Variants in THOC2 observed in about 807,000 individuals in gnomAD.
THOC2 encodes the protein THO complex subunit 2.
Under a neutral mutation model 128.4 loss-of-function variants are expected in THOC2, and 10 were observed. The ratio of observed to expected loss-of-function variants is 0.08; its 90% confidence interval spans 0.05 to 0.13. THOC2 has a LOEUF of 0.13. Among genes scored for constraint, THOC2 ranks in the 10% least tolerant of loss-of-function variants. The pLI is 1.00. For missense variants in THOC2, 535 were observed against 1,155.7 expected (o/e 0.46, Z 7.79); for synonymous variants, 393 against 396.9 (o/e 0.99, Z 0.12).
At chrX:123,714,567 C>T (rs1328417035) in intron 1 of THOC2, among the ~76,000 whole-genome samples, 1 of 111,680 alleles carries the variant, frequency 9.0e-6, no homozygotes, top group Non-Finnish European at 1.9e-5. Flanking sequence ...CCATAGAATA[C>T]CCAGACAAAA....
At chrX:123,622,974 A>C (rs928784403) in intron 29 of THOC2, 114 bp from the exon 30 acceptor site, 1 of 862,940 alleles carries the variant, frequency 1.2e-6, no homozygotes, top group African/African-American at 2.0e-5. Context: ...ATTACTTCTT[A>C]ACGCTTATAT....
At chrX:123,617,125 T>C (rs2046925111) in intron 33 of THOC2, among the ~76,000 whole-genome samples, 1 of 110,931 alleles carries the variant, frequency 9.0e-6, no homozygotes, top group Admixed American at 9.6e-5. Context: ...TCATATGCTA[T>C]TAAACTTTCT....
intron 7 of THOC2, among the ~76,000 whole-genome samples, chrX:123,691,394 G>A (rs1483804557): frequency 9.0e-6 from 1 of 111,512 alleles, no homozygotes; most frequent in Non-Finnish European, 1.9e-5. Flanking sequence ...GAAAAAGGTG[G>A]CACAATAAGA....
chrX:123,638,374 G>A (rs189809750), intron 17 of THOC2, among the ~76,000 whole-genome samples: 3 of 111,886 alleles, frequency 2.7e-5, no homozygotes, highest in African/African-American at 9.7e-5. Context: ...TGTTTGGTAA[G>A]CCAACTGGGT....
chrX:123,717,962 T>C (rs1407114337), intron 1 of THOC2, among the ~76,000 whole-genome samples: 1 of 112,631 alleles, frequency 8.9e-6, no homozygotes, highest in Non-Finnish European at 1.9e-5. Context: ...CAGCCCTCCA[T>C]ATCCACAGCT....
chrX:123,686,610 T>G lies in THOC2; in HGVS notation c.706A>C (p.Met236Leu). 8.3e-7 allele frequency: 1 copy of G among 1,208,715 alleles called. No individual in the cohort carries two copies. Among genetic ancestry groups the G allele is most frequent in the Non-Finnish European group, 1.1e-6 (1 of 893,473 alleles). ...AGTGTTTGCGGTTCACACATACTCA[T>G]GTAAGATTCTAACAAAGATATAAAG... The part of the protein sequence containing the change: ...DFFISLLESY[M>L]SMCEPQTLCH... Residue 236 changes from methionine to leucine, a missense_variant, in exon 8 of 39, where the codon ATG becomes CTG. Coordinates refer to ENST00000245838, the MANE Select transcript of THOC2 (RefSeq NM_001081550.2).
At chrX:123,637,618 G>A (rs778925680) in intron 18 of THOC2, among the ~76,000 whole-genome samples, 1 of 110,699 alleles carries the variant, frequency 9.0e-6, no homozygotes, top group Non-Finnish European at 1.9e-5. Flanking sequence ...AAATTAGCTG[G>A]GCGTGGTGGC....
At chrX:123,700,530 AGGT>A (rs1342873206) in intron 4 of THOC2, among the ~76,000 whole-genome samples, 4 of 2,881 alleles carry the variant, frequency 1.4e-3, no homozygotes, top group Non-Finnish European at 2.5e-3. Flanking sequence ...GGCGGGGGGG[AGGT>A]GGTGAGGGGG....
intron 12 of THOC2, among the ~76,000 whole-genome samples, chrX:123,646,561 T>C (rs2048135512): frequency 8.9e-6 from 1 of 112,491 alleles, no homozygotes; most frequent in South Asian, 3.7e-4. Context: ...TAATGGATAT[T>C]ACCACAGGAA....
At chrX:123,689,199 T>TGA (rs1164828595) in intron 7 of THOC2, among the ~76,000 whole-genome samples, 1 of 112,366 alleles carries the variant, frequency 8.9e-6, no homozygotes. Context: ...ATTCTATCAG[T>TGA]GACCTTTACT....
chrX:123,671,685 T>G lies in THOC2; in HGVS notation c.845A>C (p.Asp282Ala). 1 of 1,161,188 alleles carries G rather than the reference T, an allele frequency of 8.6e-7. No individual in the cohort carries two copies. Among genetic ancestry groups the G allele is most frequent in the East Asian group, 3.0e-5 (1 of 33,064 alleles). The change falls in exon 9 of 39, where the codon GAT (aspartate) becomes GCT (alanine). Residue 282 changes from aspartate to alanine, a missense_variant. Coordinates refer to ENST00000245838, the MANE Select transcript of THOC2 (RefSeq NM_001081550.2). ...VLLQFNLIDL[D>A]DLYVHLLPAD... The stretch of plus-strand genomic sequence containing the variant: ...TTGACTTACATGTACATAAAGATCA[T>G]CTAAATCAATAAGATTAAATTGTAG...
chrX:123,603,425 G>A (rs955015570), intron 38 of THOC2: 1 of 362,503 alleles, frequency 2.8e-6, no homozygotes, highest in Admixed American at 4.9e-5. Context: ...TCTCCTTTCA[G>A]AGAAAGAAGA....
intron 8 of THOC2, among the ~76,000 whole-genome samples, chrX:123,684,776 T>C (rs1289551432): frequency 8.9e-6 from 1 of 112,436 alleles, no homozygotes; most frequent in Non-Finnish European, 1.9e-5. Context: ...CTATATGCTT[T>C]TAAACTGTCG....
intron 1 of THOC2, among the ~76,000 whole-genome samples, chrX:123,724,089 ACT>A (rs1025496790): frequency 3.6e-5 from 4 of 111,586 alleles, no homozygotes; most frequent in Admixed American, 2.9e-4. Context: ...AGAGTTTCTT[ACT>A]CTTTTATATC....
chrX:123,701,300 G>A (rs1188259642), intron 4 of THOC2, among the ~76,000 whole-genome samples: 1 of 112,399 alleles, frequency 8.9e-6, no homozygotes, highest in African/African-American at 3.2e-5. Flanking sequence ...AGGTTGCAGT[G>A]AGCCAAGATC....
chrX:123,630,612 CAAA>C (rs57639724), intron 22 of THOC2, among the ~76,000 whole-genome samples: 3 of 16,069 alleles, frequency 1.9e-4, no homozygotes, highest in Non-Finnish European at 2.7e-4. Context: ...GACTCCATCT[CAAA>C]AAAAAAAAAA....
chrX:123,676,781 T>C (rs1456065068), intron 8 of THOC2, among the ~76,000 whole-genome samples: 1 of 111,781 alleles, frequency 8.9e-6, no homozygotes, highest in Non-Finnish European at 1.9e-5. Context: ...TGTAGCCTCT[T>C]GGTTCTCCTG....
rs369209439 is a variant in THOC2 at position 123,712,854 on chromosome X, G to A, written c.126C>T (p.Tyr42=). The A allele has an allele frequency of 4.3e-6, 5 of 1,149,459 alleles. No individual in the cohort carries two copies. Among genetic ancestry groups the A allele is most frequent in the Non-Finnish European group, 4.7e-6 (4 of 855,607 alleles). The allele number at this position is 1,149,459 out of a possible 1,213,427, so 94.7% of individuals were successfully genotyped here. A position where few individuals can be genotyped will look rare whatever the true frequency, so the allele number is the denominator to read the frequency against. ...AGATACTTTTAAAAATCTTACCTCT[G>A]TATGTTGAACTATCATGGCTTTTAT... ...SENKSHDSST[Y]RDFQQALYEL... Residue 42 remains tyrosine (Y), a synonymous_variant, in exon 2 of 39, where the codon TAC becomes TAT. Transcript: ENST00000245838.
At position 123,652,059 on chromosome X, in the gene THOC2, A is replaced by G. The variant is rs772426227; in HGVS notation, c.1387-6684T>C. On this transcript the variant is annotated intron_variant, in intron 12 of 38. Transcript: ENST00000245838. ...AAATACTGGCAAAACCGAATCCAGC[A>G]GCACATCAAAAAGTTTATCCACCAC... 8.0e-5 allele frequency among the ~76,000 whole-genome samples: 9 copies of G among 111,939 alleles called. No individual in the cohort carries two copies. In the East Asian group the frequency reaches 1.1e-3, roughly 14 times the overall value.
Sources: allele counts gnomAD v4.1 joint callset (sites outside exome capture counted in the v4.1 genomes callset), GRCh38; gene constraint gnomAD v4.1.1; transcripts MANE v1.5; gene names NCBI Gene and HGNC (gene_info 2026-07-23, HGNC 2026-07-21).